KANK1: variants seen among roughly 807,000 people sequenced by gnomAD.
KANK1 encodes the protein KN motif and ankyrin repeat domains 1.
KANK1 carries 109 observed loss-of-function variants against 106.2 expected under a neutral mutation model. The observed-to-expected ratio is 1.03, with a 90% CI of 0.88 to 1.20. KANK1 has a LOEUF of 1.20. Ranked by LOEUF, KANK1 falls within the 50% of genes most tolerant of loss-of-function variation. The pLI is 0.00. For synonymous variants in KANK1, 873 were observed against 652.2 expected (o/e 1.34, Z -5.16); for missense variants, 2,399 against 1,710.7 (o/e 1.40, Z -7.10).
intron 3 of KANK1, among the ~76,000 whole-genome samples, chr9:499,382 A>C (rs1159756592): frequency 6.6e-6 from 1 of 152,214 alleles, no homozygotes; most frequent in Non-Finnish European, 1.5e-5. Context: ...GTACATCCAC[A>C]CAATAGAATA....
intron 2 of KANK1, among the ~76,000 whole-genome samples, chr9:704,615 G>A (rs1589050052): frequency 6.6e-6 from 1 of 152,112 alleles, no homozygotes; most frequent in African/African-American, 2.4e-5. Flanking sequence ...CACCTCCCAA[G>A]TGAACTTTCT....
chr9:475,667 ACAAAAT>A (rs2058090333), intron 3 of KANK1, among the ~76,000 whole-genome samples: 1 of 152,166 alleles, frequency 6.6e-6, no homozygotes. Flanking sequence ...ATATTACATG[ACAAAAT>A]CAAAATATTT....
At chr9:650,747 T>TCTG (rs1840704057) in intron 1 of KANK1, among the ~76,000 whole-genome samples, 1 of 152,034 alleles carries the variant, frequency 6.6e-6, no homozygotes, top group Non-Finnish European at 1.5e-5. Context: ...TTTACCAGTC[T>TCTG]TAAGGTATCC....
At chr9:710,685 CAT>C (rs1825785787) in intron 2 of KANK1, 117 bp from the exon 3 acceptor site, 2 of 562,922 alleles carry the variant, frequency 3.6e-6, no homozygotes, top group African/African-American at 4.1e-5. Flanking sequence ...AGGTTCAAAA[CAT>C]AGGTGTGTCA....
At chr9:621,063 C>T (rs1429763326) in intron 1 of KANK1, among the ~76,000 whole-genome samples, 5 of 152,228 alleles carry the variant, frequency 3.3e-5, no homozygotes, top group South Asian at 2.1e-4. Context: ...TTTCAGAATG[C>T]CCAGTACTAG....
intron 1 of KANK1, among the ~76,000 whole-genome samples, chr9:559,196 T>C (rs1329183276): frequency 6.6e-6 from 1 of 152,216 alleles, no homozygotes; most frequent in Non-Finnish European, 1.5e-5. Context: ...TCTGTTCTTT[T>C]GGTTTTATAG....
At chr9:588,191 A>G (rs7873324) in intron 1 of KANK1, among the ~76,000 whole-genome samples, 54,526 of 151,990 alleles carry the variant, frequency 0.36, 10,199 homozygotes, top group African/African-American at 0.45. Flanking sequence ...TTTTTTACAT[A>G]CTTCTTTTCC....
rs1002855944 is a variant in KANK1 at position 675,946 on chromosome 9, T to A, written c.-83-944T>A. 2.0e-5 allele frequency among the ~76,000 whole-genome samples: 3 copies of A among 152,288 alleles called. No homozygotes were observed. In the East Asian group the frequency reaches 5.8e-4, roughly 29 times the overall value. The stretch of plus-strand genomic sequence containing the variant: ...GGGGTCCTCCCCTTTTTAGACCATA[T>A]AGGATAACTTCCTGACATTGCCATG... On this transcript the variant is annotated intron_variant, in intron 1 of 11. Transcript: ENST00000382297.
chr9:633,012 C>T (rs1242552566), intron 1 of KANK1, among the ~76,000 whole-genome samples: 2 of 151,788 alleles, frequency 1.3e-5, no homozygotes, highest in Non-Finnish European at 1.5e-5. Context: ...AGTGTTTTAG[C>T]AAAGCAAAAC....
At chr9:540,819 A>C in intron 1 of KANK1, among the ~76,000 whole-genome samples, 1 of 152,202 alleles carries the variant, frequency 6.6e-6, no homozygotes, top group South Asian at 2.1e-4. Flanking sequence ...ATTTGTCTAT[A>C]GTAGTATCTT....
At position 724,042 on chromosome 9, in the gene KANK1, G is replaced by A. The variant is rs115117763; in HGVS notation, c.2699-6009G>A. Among the ~76,000 whole-genome samples, 1,065 of 151,416 alleles carry A rather than the reference G, an allele frequency of 7.0e-3. 14 individuals carry two copies. Among genetic ancestry groups the A allele is most frequent in the African/African-American group, 0.024 (991 of 41,248 alleles). On this transcript the variant is annotated intron_variant, in intron 3 of 11. Coordinates refer to ENST00000382297, the MANE Select transcript of KANK1 (RefSeq NM_015158.5). ...TGATTAAGCCTGGGAGACAGGTTGC[G>A]GTGAGCAGAGATCACGCCACTGCAC...
intron 2 of KANK1, 148 bp from the exon 3 acceptor site, chr9:710,656 A>T: frequency 2.2e-6 from 1 of 448,572 alleles, no homozygotes; most frequent in Non-Finnish European, 3.8e-6. Flanking sequence ...AAACTTGCTT[A>T]CCCAGCTGTT....
At chr9:518,944 G>A (rs2059424259) in intron 1 of KANK1, among the ~76,000 whole-genome samples, 2 of 151,502 alleles carry the variant, frequency 1.3e-5, no homozygotes, top group African/African-American at 2.4e-5. Flanking sequence ...AGGCTGGAGT[G>A]CAATGGCATG....
At chr9:604,856 A>T (rs903219) in intron 1 of KANK1, among the ~76,000 whole-genome samples, 2 of 151,370 alleles carry the variant, frequency 1.3e-5, no homozygotes, top group Admixed American at 6.6e-5. Flanking sequence ...TAAGTTTCCT[A>T]AGGCTTCCCC....
chr9:474,077 A>G (rs1047259568), intron 3 of KANK1, among the ~76,000 whole-genome samples: 5 of 152,212 alleles, frequency 3.3e-5, no homozygotes, highest in Non-Finnish European at 7.3e-5. Context: ...AAGAAATACT[A>G]TCTATTTATA....
At chr9:704,094 T>C (rs927451608) in intron 2 of KANK1, among the ~76,000 whole-genome samples, 8 of 152,244 alleles carry the variant, frequency 5.3e-5, no homozygotes, top group Non-Finnish European at 1.5e-5. Context: ...GTTAATAATT[T>C]AGCGTCTTTC....
At chr9:572,487 G>C (rs981986419) in intron 1 of KANK1, among the ~76,000 whole-genome samples, 1 of 151,992 alleles carries the variant, frequency 6.6e-6, no homozygotes, top group Non-Finnish European at 1.5e-5. Flanking sequence ...GGGAGGTGGA[G>C]CTTGCAGTGA....
At chr9:509,390 C>G (rs1170672377) in intron 1 of KANK1, among the ~76,000 whole-genome samples, 1 of 152,198 alleles carries the variant, frequency 6.6e-6, no homozygotes, top group Non-Finnish European at 1.5e-5. Context: ...GCCACTGGCC[C>G]AATATGACCT....
At chr9:632,854 T>TG (rs1366722086) in intron 1 of KANK1, among the ~76,000 whole-genome samples, 54 of 152,040 alleles carry the variant, frequency 3.6e-4, no homozygotes, top group African/African-American at 1.2e-3. Flanking sequence ...CGCACCCGGC[T>TG]AATTTTTTTT....
Sources: allele counts gnomAD v4.1 joint callset (sites outside exome capture counted in the v4.1 genomes callset), GRCh38; gene constraint gnomAD v4.1.1; transcripts MANE v1.5; gene names NCBI Gene and HGNC (gene_info 2026-07-23, HGNC 2026-07-21).